Variants in TMEM196 observed in about 807,000 individuals in gnomAD.
TMEM196 encodes transmembrane protein 196.
Under a neutral mutation model 20.0 loss-of-function variants are expected in TMEM196, and 17 were observed. The ratio of observed to expected loss-of-function variants is 0.85; its 90% CI spans 0.58 to 1.27. The LOEUF (loss-of-function observed/expected upper bound fraction) is 1.27. Among genes scored for constraint, TMEM196 ranks in the 50% most tolerant of loss-of-function variants. The pLI is 0.00. For missense variants in TMEM196, 267 were observed against 223.0 expected, an observed-to-expected ratio of 1.20 and a Z score of -1.26; for synonymous variants, 113 against 88.9, an observed-to-expected ratio of 1.27 and a Z score of -1.52.
intron 2 of TMEM196, 34 bp downstream of exon 2, chr7:19,729,348 C>A: frequency 6.5e-7 from 1 of 1,543,130 alleles, no homozygotes; most frequent in Non-Finnish European, 8.8e-7. Flanking sequence ...TTTCATACAC[C>A]TCAATGCACA....
In TMEM196 at chr7:19,741,536, C is replaced by A. The variant is rs976644381; in HGVS notation, c.148-12098G>T. Among the ~76,000 whole-genome samples the A allele has an allele frequency of 3.3e-5, 5 of 152,108 alleles. No homozygotes were observed. In the East Asian group the frequency reaches 7.7e-4, roughly 23 times the overall value. On this transcript the variant is annotated intron_variant, in intron 1 of 4. Transcript: ENST00000405844. ...TATGGTTAGTCATGATAGATTAATTCTTTTCTGAATGGTAGCATTTGAAAA... is the reference window on the plus strand; with the variant it reads ...TATGGTTAGTCATGATAGATTAATTATTTTCTGAATGGTAGCATTTGAAAA...
chr7:19,732,522 G>A lies in TMEM196; in HGVS notation c.148-3084C>T, dbSNP rs572872755. ...CAGGAGGCGGAGCTTGCAGTGAGCCGAGATCGCATCACTGCACTCCAGCCT... is the reference window on the plus strand; with the variant it reads ...CAGGAGGCGGAGCTTGCAGTGAGCCAAGATCGCATCACTGCACTCCAGCCT... On this transcript the variant is annotated intron_variant, in intron 1 of 4. Coordinates refer to ENST00000405844, the MANE Select transcript of TMEM196 (RefSeq NM_001363562.2). Among the ~76,000 whole-genome samples the A allele has an allele frequency of 5.4e-5, 8 of 147,908 alleles. No homozygotes were observed. The East Asian group carries it at 1.6e-3, about 29-fold the overall frequency.
intron 1 of TMEM196, among the ~76,000 whole-genome samples, chr7:19,760,787 C>G (rs1212037135): frequency 1.3e-5 from 2 of 152,064 alleles, no homozygotes; most frequent in Admixed American, 1.3e-4. Context: ...TACTGCTAGA[C>G]CCTCAGGACA....
chr7:19,732,581 A>AAC (rs1562609680), intron 1 of TMEM196, among the ~76,000 whole-genome samples: 2 of 148,714 alleles, frequency 1.3e-5, no homozygotes, highest in East Asian at 2.0e-4. Context: ...TCAAAAAAAA[A>AAC]AAACAAAAAA....
intron 1 of TMEM196, among the ~76,000 whole-genome samples, chr7:19,750,010 C>G (rs1182510350): frequency 6.6e-6 from 1 of 152,180 alleles, no homozygotes; most frequent in Non-Finnish European, 1.5e-5. Flanking sequence ...AAAGTTCTCT[C>G]TCTCATTAAG....
At chr7:19,744,687 T>G (rs1784692424) in intron 1 of TMEM196, among the ~76,000 whole-genome samples, 1 of 152,214 alleles carries the variant, frequency 6.6e-6, no homozygotes, top group Non-Finnish European at 1.5e-5. Context: ...GTTCCTTTAC[T>G]TTGCTGTTAA....
intron 1 of TMEM196, among the ~76,000 whole-genome samples, chr7:19,749,405 G>A (rs949952782): frequency 1.3e-5 from 2 of 152,134 alleles, no homozygotes; most frequent in African/African-American, 4.8e-5. Context: ...AAAGTGGGTG[G>A]GATTTGCATT....
At chr7:19,734,876 A>G (rs1784343541) in intron 1 of TMEM196, among the ~76,000 whole-genome samples, 1 of 152,242 alleles carries the variant, frequency 6.6e-6, no homozygotes, top group Admixed American at 6.5e-5. Context: ...AACTAAAAGA[A>G]TTACTGGAAG....
At chr7:19,722,220 C>T in intron 4 of TMEM196, 86 bp from the exon 5 acceptor site, 1 of 1,151,114 alleles carries the variant, frequency 8.7e-7, no homozygotes. Flanking sequence ...ACAGAAATTT[C>T]AATCCATTGA....
In TMEM196 at chr7:19,721,011, T is replaced by G. The variant is rs1395419960; in HGVS notation, c.*1117A>C. The G allele has an allele frequency of 6.6e-6, 1 of 151,898 alleles. No individual in the cohort carries two copies. The highest frequency in any genetic ancestry group is 1.5e-5 in the Non-Finnish European group (1 of 67,792). The allele number at this position is 151,898 out of a possible 1,614,324, so 9.4% of individuals were successfully genotyped here. ...AGTCATGTTCGTTTATAAATTAATT[T>G]TAATTGCTATACATAAATACTATAA... On this transcript the variant is annotated 3_prime_UTR_variant, in exon 5 of 5. Coordinates refer to ENST00000405844, the MANE Select transcript of TMEM196 (RefSeq NM_001363562.2).
At chr7:19,724,465 A>G (rs1443792748) in intron 3 of TMEM196, 112 bp from the exon 4 acceptor site, 8 of 892,688 alleles carry the variant, frequency 9.0e-6, no homozygotes, top group Non-Finnish European at 1.0e-5. Context: ...ATATACATAT[A>G]AAATGGTCAT....
rs1452060401 is a variant in TMEM196, at chr7:19,721,073, T to A, written c.*1055A>T. The A allele has an allele frequency of 6.6e-6, 1 of 151,920 alleles. No homozygotes were observed. The highest frequency in any genetic ancestry group is 1.5e-5 in the Non-Finnish European group (1 of 67,798). The allele number at this position is 151,920 out of a possible 1,614,324, so 9.4% of individuals were successfully genotyped here. ...TAGTCAAATAAGTAGTCTATCTGTA[T>A]ACTACACTATTCAGATCACTCATCT... is the stretch of plus-strand genomic sequence containing the variant. On this transcript the variant is annotated 3_prime_UTR_variant, in exon 5 of 5. Transcript: ENST00000405844.
intron 1 of TMEM196, among the ~76,000 whole-genome samples, chr7:19,757,337 C>CT (rs59859025): frequency 0.29 from 20,793 of 70,798 alleles, 3,039 homozygotes; most frequent in East Asian, 0.33. Context: ...CCACACCCAG[C>CT]TTTTTTTTTT....
chr7:19,757,164 T>C (rs890716966), intron 1 of TMEM196, among the ~76,000 whole-genome samples: 2 of 147,528 alleles, frequency 1.4e-5, no homozygotes, highest in African/African-American at 2.6e-5. Flanking sequence ...CATCTTATAT[T>C]GCAGTAGATA....
At position 19,723,037 on chromosome 7, in the gene TMEM196, A is replaced by G. The variant is rs866912738; in HGVS notation, c.534-903T>C. Among the ~76,000 whole-genome samples the G allele has an allele frequency of 1.4e-4, 21 of 152,280 alleles. 1 individual carries two copies. The highest frequency in any genetic ancestry group is 2.4e-4 in the Non-Finnish European group (16 of 68,000). The stretch of plus-strand genomic sequence containing the variant: ...TGCAACAGAGCAGAAAAAAAAAATT[A>G]GAAGTGGAAATTATTTTCTCAATTA... On this transcript the variant is annotated intron_variant, in intron 4 of 4. Transcript: ENST00000405844.
rs140959733 is a variant in TMEM196 at position 19,720,788 on chromosome 7, G to A, written c.*1340C>T. The A allele has an allele frequency of 1.3e-5, 2 of 151,730 alleles. No homozygotes were observed. The highest frequency in any genetic ancestry group is 3.0e-5 in the Non-Finnish European group (2 of 67,770). The allele number at this position is 151,730 out of a possible 1,614,324, so 9.4% of individuals were successfully genotyped here. On this transcript the variant is annotated 3_prime_UTR_variant, in exon 5 of 5. Coordinates refer to ENST00000405844, the MANE Select transcript of TMEM196 (RefSeq NM_001363562.2). Reference sequence around the variant, plus strand: ...ATATAGGCTTTCTTATATATGGACTGCCTATATTATTTCATGAGAATCGTA... The same window carrying A: ...ATATAGGCTTTCTTATATATGGACTACCTATATTATTTCATGAGAATCGTA...
intron 1 of TMEM196, among the ~76,000 whole-genome samples, chr7:19,734,495 G>A (rs1784327719): frequency 1.3e-5 from 2 of 152,164 alleles, no homozygotes; most frequent in African/African-American, 4.8e-5. Context: ...ATTATCCAGG[G>A]ATGCCTTAAA....
intron 1 of TMEM196, among the ~76,000 whole-genome samples, chr7:19,738,424 T>C (rs1353842089): frequency 6.6e-6 from 1 of 152,088 alleles, no homozygotes; most frequent in Non-Finnish European, 1.5e-5. Flanking sequence ...CATATACTCA[T>C]ACATATATTT....
chr7:19,738,755 T>C (rs1291047506), intron 1 of TMEM196, among the ~76,000 whole-genome samples: 2 of 152,138 alleles, frequency 1.3e-5, no homozygotes, highest in East Asian at 1.9e-4. Context: ...ATAAATATCC[T>C]TGAGGCCATA....
Sources: allele counts gnomAD v4.1 joint callset (sites outside exome capture counted in the v4.1 genomes callset), GRCh38; gene constraint gnomAD v4.1.1; transcripts MANE v1.5; gene names NCBI Gene and HGNC (gene_info 2026-07-23, HGNC 2026-07-21).